LCORL: variants seen among roughly 807,000 people sequenced by gnomAD.
The protein encoded by LCORL is ligand dependent nuclear receptor corepressor like.
A neutral mutation model predicts 141.8 loss-of-function variants in LCORL; 41 were observed. The ratio of observed to expected loss-of-function variants is 0.29; its 90% CI spans 0.23 to 0.38. LCORL has a LOEUF of 0.38. LCORL is among the 10% of genes least tolerant of loss of function. The probability of loss-of-function intolerance (pLI) is 1.00; values close to 1 mark genes in which losing one functional copy is unlikely to be tolerated. For synonymous variants in LCORL, 618 were observed against 694.1 expected, an observed-to-expected ratio of 0.89 and a Z score of 1.72; for missense variants, 1,759 against 2,035.0, an observed-to-expected ratio of 0.86 and a Z score of 2.61.
intron 1 of LCORL, among the ~76,000 whole-genome samples, chr4:17,996,277 T>TG (rs1720912476): frequency 6.6e-6 from 1 of 152,102 alleles, no homozygotes; most frequent in South Asian, 2.1e-4. Context: ...AGCACTGATA[T>TG]GTATCATTTT....
At chr4:17,859,143 C>T (rs1431608636) in intron 7 of LCORL, among the ~76,000 whole-genome samples, 5 of 152,030 alleles carry the variant, frequency 3.3e-5, no homozygotes, top group African/African-American at 1.2e-4. Flanking sequence ...GTCAGTATTC[C>T]GTAAGTTACA....
At chr4:17,988,797 C>T (rs1227910281) in intron 1 of LCORL, among the ~76,000 whole-genome samples, 4 of 152,068 alleles carry the variant, frequency 2.6e-5, no homozygotes, top group Non-Finnish European at 5.9e-5. Context: ...CCAGCCTGGC[C>T]CACATGGCGA....
rs545375779 is a variant in LCORL at position 18,021,725 on chromosome 4, G to C, written c.27C>G (p.Ala9=). Reference sequence around the variant, plus strand: ...CGGCGGCAGCAGCGGCGGCGGCAGCGGCCATTCTCTCTCTTCCCTTGTCCA... The same window carrying C: ...CGGCGGCAGCAGCGGCGGCGGCAGCCGCCATTCTCTCTCTTCCCTTGTCCA... Residue 9 remains alanine (A), a synonymous_variant, in exon 1 of 8, where the codon GCC becomes GCG. Coordinates refer to ENST00000635767, the Ensembl canonical transcript of LCORL. This position sits in a 1 kb window ranked among gnomAD's most constrained non-coding sequence, Gnocchi z 5.5. 3.3e-6 allele frequency: 5 copies of C among 1,526,554 alleles called. No homozygotes were observed. Among genetic ancestry groups the C allele is most frequent in the Non-Finnish European group, 4.4e-6 (5 of 1,137,088 alleles). The allele number at this position is 1,526,554 out of a possible 1,614,324, so 94.6% of individuals were successfully genotyped here. A position where few individuals can be genotyped will look rare whatever the true frequency, so the allele number is the denominator to read the frequency against.
chr4:17,996,198 C>T (rs1240109156), intron 1 of LCORL, among the ~76,000 whole-genome samples: 1 of 151,980 alleles, frequency 6.6e-6, no homozygotes, highest in Non-Finnish European at 1.5e-5. Flanking sequence ...CATATTATTT[C>T]CCTTTATCTT....
At chr4:17,993,646 G>C (rs1317142261) in intron 1 of LCORL, among the ~76,000 whole-genome samples, 1 of 152,184 alleles carries the variant, frequency 6.6e-6, no homozygotes. Context: ...TTTTGCCAAG[G>C]AATTAATTTT....
At chr4:17,874,923 A>T in exon 7 of LCORL, 1 of 1,233,766 alleles carries the variant, frequency 8.1e-7, no homozygotes, top group Non-Finnish European at 1.0e-6. Context: ...TTTATGGAGC[A>T]GAGCGTTTCT....
intron 4 of LCORL, among the ~76,000 whole-genome samples, chr4:17,960,756 A>G (rs7695840): frequency 0.24 from 36,127 of 152,054 alleles, 5,482 homozygotes; most frequent in African/African-American, 0.43. Flanking sequence ...GTACCTGGCC[A>G]TAAAACATTT....
intron 7 of LCORL, among the ~76,000 whole-genome samples, chr4:17,856,188 C>T (rs1361871709): frequency 6.6e-6 from 1 of 152,170 alleles, no homozygotes; most frequent in East Asian, 1.9e-4. Flanking sequence ...TTAGTTTTTG[C>T]CCCCTTGGCA....
At chr4:17,900,776 G>A (rs1730737039) in intron 5 of LCORL, among the ~76,000 whole-genome samples, 1 of 152,076 alleles carries the variant, frequency 6.6e-6, no homozygotes, top group South Asian at 2.1e-4. Flanking sequence ...AAAAGGAAGA[G>A]GTAGGGAGGA....
At chr4:17,936,157 G>A (rs1007457349) in intron 4 of LCORL, among the ~76,000 whole-genome samples, 14 of 151,954 alleles carry the variant, frequency 9.2e-5, no homozygotes, top group Admixed American at 8.5e-4. Flanking sequence ...GCTTGGTGTG[G>A]CAATTTTTAT....
rs115716088 is a variant in LCORL, at chr4:17,973,386, T to C, written c.155-501A>G. On this transcript the variant is annotated intron_variant, in intron 1 of 7. Transcript: ENST00000635767. Reference sequence around the variant, plus strand: ...CTTGTAAAAATCAAAACACAACAATTTGGTCATTGCTATAGACTGCCCTAA... The same window carrying C: ...CTTGTAAAAATCAAAACACAACAATCTGGTCATTGCTATAGACTGCCCTAA... Among the ~76,000 whole-genome samples, 403 of 152,014 alleles carry C rather than the reference T, an allele frequency of 2.7e-3. 3 individuals carry two copies. Among genetic ancestry groups the C allele is most frequent in the African/African-American group, 9.0e-3 (376 of 41,570 alleles).
At chr4:17,955,385 TG>T (rs1461781574) in intron 4 of LCORL, among the ~76,000 whole-genome samples, 1 of 151,768 alleles carries the variant, frequency 6.6e-6, no homozygotes, top group Middle Eastern at 3.2e-3. Context: ...GAAGGGAAGG[TG>T]GAAAGTGGAG....
chr4:17,912,723 T>G (rs1241195724), intron 4 of LCORL: 2 of 398,428 alleles, frequency 5.0e-6, no homozygotes, highest in African/African-American at 4.1e-5. Context: ...GGGCTCCTCC[T>G]GCACCTGGAG....
rs1553863446 is a variant in LCORL at position 17,897,213 on chromosome 4, C to CCTTTTTTTTTTTTTT, written c.683-11053_683-11052insAAAAAAAAAAAAAAG. ...AGACTTCTCTTTGATATACTGATTT[C>CCTTTTTTTTTTTTTT]TTTTTTTTTTTTTTTTTTTTTTTTT... On this transcript the variant is annotated intron_variant, in intron 5 of 7. Coordinates refer to ENST00000635767, the Ensembl canonical transcript of LCORL. 2.8e-3 allele frequency among the ~76,000 whole-genome samples: 176 copies of CCTTTTTTTTTTTTTT among 63,984 alleles called. 83 individuals are homozygous for CCTTTTTTTTTTTTTT. Among genetic ancestry groups the CCTTTTTTTTTTTTTT allele is most frequent in the Non-Finnish European group, 3.1e-3 (108 of 34,542 alleles). The allele number at this position is 63,984 out of a possible 152,430, so 42.0% of individuals were successfully genotyped here.
At chr4:17,875,375 A>T in exon 7 of LCORL, 1 of 1,231,414 alleles carries the variant, frequency 8.1e-7, no homozygotes. Flanking sequence ...TCTCACTTTC[A>T]GTAGTCAAGC....
chr4:17,950,507 T>C (rs933298388), intron 4 of LCORL, among the ~76,000 whole-genome samples: 5 of 152,198 alleles, frequency 3.3e-5, no homozygotes, highest in African/African-American at 9.6e-5. Context: ...GTAGGATTTA[T>C]AAAAGAGTTT....
chr4:18,014,892 A>G (rs1724397944), intron 1 of LCORL, among the ~76,000 whole-genome samples: 1 of 152,214 alleles, frequency 6.6e-6, no homozygotes, highest in Non-Finnish European at 1.5e-5. Context: ...GCTCTTAAGT[A>G]TGAACTCTAT....
chr4:17,951,008 T>C (rs996339410), intron 4 of LCORL, among the ~76,000 whole-genome samples: 6 of 152,182 alleles, frequency 3.9e-5, no homozygotes, highest in African/African-American at 1.4e-4. Flanking sequence ...CTTCAGTTGA[T>C]GGTTCAGAGC....
chr4:17,988,673 A>G (rs1397697824), intron 1 of LCORL, among the ~76,000 whole-genome samples: 3 of 152,172 alleles, frequency 2.0e-5, no homozygotes, highest in East Asian at 1.9e-4. Context: ...TATAATCATC[A>G]AAGATGTTAA....
Sources: allele counts gnomAD v4.1 joint callset (sites outside exome capture counted in the v4.1 genomes callset), GRCh38; gene constraint gnomAD v4.1.1; non-coding constraint Gnocchi (gnomAD v3.1); transcripts MANE v1.5; gene names NCBI Gene and HGNC (gene_info 2026-07-23, HGNC 2026-07-21).